CHMP2B: variants seen among roughly 807,000 people sequenced by gnomAD.
CHMP2B encodes the protein VPS2 homolog B.
Under a neutral mutation model 29.8 loss-of-function variants are expected in CHMP2B, and 22 were observed. The observed-to-expected ratio is 0.74, with a 90% confidence interval of 0.53 to 1.05. The LOEUF is 1.05. Among genes scored for constraint, CHMP2B ranks in the 50% least tolerant of loss-of-function variants. The pLI, the probability that CHMP2B is intolerant of heterozygous loss-of-function variation, is 0.00. For missense variants in CHMP2B, 261 were observed against 252.2 expected (o/e 1.03, Z -0.24); for synonymous variants, 78 against 75.8 (o/e 1.03, Z -0.15).
chr3:87,246,145 C>CT (rs35848729), intron 3 of CHMP2B, among the ~76,000 whole-genome samples: 256 of 146,990 alleles, frequency 1.7e-3, no homozygotes, highest in African/African-American at 4.4e-3. Flanking sequence ...TTCTTCTTTT[C>CT]TTTTTTTTTT....
At position 87,254,608 on chromosome 3, in the gene CHMP2B, C is replaced by G. The variant is rs1329700318; in HGVS notation, c.*786C>G. 2 of 152,066 alleles carry G rather than the reference C, an allele frequency of 1.3e-5. No homozygotes were observed. Among genetic ancestry groups the G allele is most frequent in the East Asian group, 1.9e-4 (1 of 5,178 alleles). The allele number at this position is 152,066 out of a possible 1,614,324, so 9.4% of individuals were successfully genotyped here. ...CCTCTGTTAAAACAGACCAGGTTTT[C>G]CTGGTCTCAGACCTATGATGACTTG... On this transcript the variant is annotated 3_prime_UTR_variant, in exon 6 of 6. Coordinates refer to ENST00000263780, the MANE Select transcript of CHMP2B (RefSeq NM_014043.4).
chr3:87,247,859 A>G (rs749812021), intron 3 of CHMP2B, among the ~76,000 whole-genome samples: 2 of 152,154 alleles, frequency 1.3e-5, no homozygotes, highest in African/African-American at 2.4e-5. Context: ...CACCCTAAAC[A>G]CTCTGACTTG....
chr3:87,249,943 G>A lies in CHMP2B; in HGVS notation c.390G>A (p.Lys130=), dbSNP rs1223457056. The change falls in exon 4 of 6, where the codon AAG becomes AAA. Residue 130 remains lysine, a synonymous_variant. Transcript: ENST00000263780. ...TACAAACAATGCAGAATTTCCAGAAGGAAAACATGAAAATGGAAATGACTG... is the reference window on the plus strand; with the variant it reads ...TACAAACAATGCAGAATTTCCAGAAAGAAAACATGAAAATGGAAATGACTG... The part of the protein sequence containing the change: ...KTLQTMQNFQ[K]ENMKMEMTEE... 3.1e-6 allele frequency: 5 copies of A among 1,599,558 alleles called. No homozygotes were observed. The African/African-American group carries it at 6.7e-5, about 21-fold the overall frequency.
chr3:87,249,991 A>G lies in CHMP2B; in HGVS notation c.424+14A>G, dbSNP rs1706286279. 3 of 1,412,604 alleles carry G rather than the reference A, an allele frequency of 2.1e-6. No individual in the cohort carries two copies. Among genetic ancestry groups the G allele is most frequent in the Non-Finnish European group, 3.0e-6 (3 of 1,004,030 alleles). 87.5% of individuals were successfully genotyped at this position (1,412,604 alleles called of 1,614,324 possible). ...CTGAAGAAATGAGTAAGTTTAATAA[A>G]TTATAATGAAATTTATAGTTTTCTC... is the stretch of plus-strand genomic sequence containing the variant. On this transcript the variant is annotated intron_variant, in intron 4 of 5. Coordinates refer to ENST00000263780, the MANE Select transcript of CHMP2B (RefSeq NM_014043.4).
chr3:87,244,107 C>T (rs774972299), intron 2 of CHMP2B, among the ~76,000 whole-genome samples: 2 of 145,314 alleles, frequency 1.4e-5, no homozygotes, highest in Non-Finnish European at 1.5e-5. Context: ...AGTGCGGTGG[C>T]GTGATCTCAG....
intron 1 of CHMP2B, among the ~76,000 whole-genome samples, chr3:87,227,840 C>G (rs1363381307): frequency 6.6e-6 from 1 of 152,224 alleles, no homozygotes; most frequent in African/African-American, 2.4e-5. Context: ...CTAGCTGGCC[C>G]TTGAGTGTCA....
intron 2 of CHMP2B, among the ~76,000 whole-genome samples, chr3:87,242,614 C>T (rs1706138184): frequency 6.6e-6 from 1 of 152,112 alleles, no homozygotes; most frequent in African/African-American, 2.4e-5. Flanking sequence ...ACATTTAAAA[C>T]TGTGAACCAT....
intron 1 of CHMP2B, among the ~76,000 whole-genome samples, chr3:87,231,618 G>T (rs1001847802): frequency 5.3e-5 from 8 of 152,216 alleles, no homozygotes; most frequent in Admixed American, 4.6e-4. Context: ...AATAATGCGT[G>T]TATGGCTCTC....
At chr3:87,240,578 T>A in intron 1 of CHMP2B, 121 bp from the exon 2 acceptor site, 3 of 720,462 alleles carry the variant, frequency 4.2e-6, no homozygotes, top group Non-Finnish European at 7.5e-6. Context: ...ATTACAGGCA[T>A]GAGCCACTGC....
intron 1 of CHMP2B, among the ~76,000 whole-genome samples, chr3:87,237,645 G>A (rs929452984): frequency 9.9e-5 from 15 of 152,066 alleles, no homozygotes; most frequent in Non-Finnish European, 1.3e-4. Context: ...TTCTTAATAC[G>A]TTTGGTCAAT....
rs111835356 is a variant in CHMP2B, at chr3:87,245,952, C to T, written c.321+44C>T. 117 of 1,476,692 alleles carry T rather than the reference C, an allele frequency of 7.9e-5. No homozygotes were observed. The African/African-American group carries it at 9.2e-4, about 12-fold the overall frequency. 91.5% of individuals were successfully genotyped at this position (1,476,692 alleles called of 1,614,324 possible). On this transcript the variant is annotated intron_variant, in intron 3 of 5. Transcript: ENST00000263780. ...ATTCATAGATTTTTAATTTTATCAA[C>T]GATATTTAAATATCAATATTGAAAG...
Position 87,254,911 on chromosome 3 carries a change from T to C in CHMP2B, c.*1089T>C, listed in dbSNP as rs1334486737. 3.3e-5 allele frequency: 5 copies of C among 152,042 alleles called. No homozygotes were observed. The highest frequency in any genetic ancestry group is 1.2e-4 in the African/African-American group (5 of 41,438). The allele number at this position is 152,042 out of a possible 1,614,324, so 9.4% of individuals were successfully genotyped here. A position where few individuals can be genotyped will look rare whatever the true frequency, so the allele number is the denominator to read the frequency against. Reference sequence around the variant, plus strand: ...TTTTTTGATAAATAAACTACAGTTTTACCAGAAATTACTATCTAAATGTGT... The same window carrying C: ...TTTTTTGATAAATAAACTACAGTTTCACCAGAAATTACTATCTAAATGTGT... On this transcript the variant is annotated 3_prime_UTR_variant, in exon 6 of 6. Transcript: ENST00000263780.
chr3:87,239,708 ATTCTTCAAAAGGT>A (rs1304888104), intron 1 of CHMP2B, among the ~76,000 whole-genome samples: 4 of 152,198 alleles, frequency 2.6e-5, no homozygotes, highest in Non-Finnish European at 5.9e-5. Context: ...AAATACTTTA[ATTCTTCAAAAGGT>A]AGGTCTAAAG....
chr3:87,235,813 G>T (rs1705996717), intron 1 of CHMP2B, among the ~76,000 whole-genome samples: 1 of 152,148 alleles, frequency 6.6e-6, no homozygotes, highest in Admixed American at 6.5e-5. Context: ...CCACAAGACT[G>T]CCCTACTTCA....
At chr3:87,239,496 A>G (rs981421372) in intron 1 of CHMP2B, among the ~76,000 whole-genome samples, 1 of 152,190 alleles carries the variant, frequency 6.6e-6, no homozygotes, top group Non-Finnish European at 1.5e-5. Context: ...TCCCAGTACT[A>G]TTTGATGAAG....
At chr3:87,252,632 T>TA (rs1706336011) in intron 4 of CHMP2B, among the ~76,000 whole-genome samples, 1 of 151,980 alleles carries the variant, frequency 6.6e-6, no homozygotes, top group Non-Finnish European at 1.5e-5. Context: ...ATCTGTTTCT[T>TA]AATTTTTTTC....
chr3:87,245,755 A>G lies in CHMP2B; in HGVS notation c.168A>G (p.Glu56=), dbSNP rs1468718987. 5.6e-6 allele frequency: 9 copies of G among 1,613,686 alleles called. No individual in the cohort carries two copies. In the East Asian group the frequency reaches 2.0e-4, roughly 36 times the overall value. Residue 56 remains glutamate, a synonymous_variant, in exon 3 of 6, where the codon GAA becomes GAG. Coordinates refer to ENST00000263780, the MANE Select transcript of CHMP2B (RefSeq NM_014043.4). ...AAATGGCCAAGATTGGTAATAAGGA[A>G]GCTTGCAAAGTTTTAGCCAAACAAC... ...IKKMAKIGNK[E]ACKVLAKQLV... is the part of the protein sequence containing the mutation.
In CHMP2B at chr3:87,230,889, ATAAT is replaced by A. The variant is rs1705897221; in HGVS notation, c.34+3339_34+3342del. Among the ~76,000 whole-genome samples the A allele has an allele frequency of 2.0e-5, 3 of 152,134 alleles. No homozygotes were observed. In the South Asian group the frequency reaches 6.2e-4, roughly 31 times the overall value. ...GGCCTATGTTTTGCATTTGATCCTG[ATAAT>A]TAATTTATTCTCTGAAATTCCCTCT... On this transcript the variant is annotated intron_variant, in intron 1 of 5. Coordinates refer to ENST00000263780, the MANE Select transcript of CHMP2B (RefSeq NM_014043.4).
rs892658582 is a variant in CHMP2B at position 87,236,650 on chromosome 3, G to A, written c.35-4049G>A. Among the ~76,000 whole-genome samples the A allele has an allele frequency of 1.1e-4, 16 of 152,104 alleles. 1 individual carries two copies. The South Asian group carries it at 2.3e-3, about 22-fold the overall frequency. On this transcript the variant is annotated intron_variant, in intron 1 of 5. Transcript: ENST00000263780. Reference sequence around the variant, plus strand: ...TTGGATCACCTGAGGTCAGAAGTTCGAGATCAGCCTGGCCAACATGGTGAA... The same window carrying A: ...TTGGATCACCTGAGGTCAGAAGTTCAAGATCAGCCTGGCCAACATGGTGAA...
Sources: allele counts gnomAD v4.1 joint callset (sites outside exome capture counted in the v4.1 genomes callset), GRCh38; gene constraint gnomAD v4.1.1; transcripts MANE v1.5; gene names NCBI Gene and HGNC (gene_info 2026-07-23, HGNC 2026-07-21).